Variants in ZCWPW2 observed in about 807,000 individuals in gnomAD.
ZCWPW2 encodes the protein zinc finger CW-type and PWWP domain containing 2.
ZCWPW2 carries 45 observed loss-of-function variants against 46.6 expected under a neutral mutation model. The observed-to-expected ratio is 0.96, with a 90% confidence interval of 0.76 to 1.24. ZCWPW2 has a LOEUF of 1.24. Ranked by LOEUF, ZCWPW2 falls within the 50% of genes most tolerant of loss-of-function variation. The pLI, the probability that ZCWPW2 is intolerant of heterozygous loss-of-function variation, is 0.00. For synonymous variants in ZCWPW2, 152 were observed against 137.1 expected, an observed-to-expected ratio of 1.11 and a Z score of -0.76; for missense variants, 429 against 403.9, an observed-to-expected ratio of 1.06 and a Z score of -0.53.
chr3:28,362,920 A>G (rs111562220), intron 1 of ZCWPW2, among the ~76,000 whole-genome samples: 2,114 of 152,176 alleles, frequency 0.014, 75 homozygotes, highest in African/African-American at 0.048. Context: ...AGGAACATGG[A>G]TGGAGCTGGA....
At chr3:28,457,366 A>G (rs1413221385) in intron 4 of ZCWPW2, among the ~76,000 whole-genome samples, 1 of 152,212 alleles carries the variant, frequency 6.6e-6, no homozygotes, top group Non-Finnish European at 1.5e-5. Context: ...CACCTTAAAC[A>G]CATATTCTAT....
intron 2 of ZCWPW2, chr3:28,397,997 G>A (rs938779253): frequency 3.9e-5 from 6 of 152,128 alleles, no homozygotes; most frequent in African/African-American, 1.4e-4. Context: ...TTCTGTTTCT[G>A]TTTTCTCTGC....
At chr3:28,413,570 G>A (rs897238174) in intron 3 of ZCWPW2, among the ~76,000 whole-genome samples, 170 bp downstream of exon 3, 2 of 151,998 alleles carry the variant, frequency 1.3e-5, no homozygotes, top group Non-Finnish European at 2.9e-5. Context: ...AAATGGGAAA[G>A]TTAGGTAACT....
intron 6 of ZCWPW2, among the ~76,000 whole-genome samples, chr3:28,498,983 T>G (rs952991970): frequency 6.6e-6 from 1 of 152,156 alleles, no homozygotes; most frequent in African/African-American, 2.4e-5. Flanking sequence ...GAACTCATCC[T>G]TTTTTATGGC....
intron 4 of ZCWPW2, 24 bp from the exon 5 acceptor site, chr3:28,478,790 T>G: frequency 7.7e-7 from 1 of 1,305,150 alleles, no homozygotes; most frequent in Non-Finnish European, 1.0e-6. Flanking sequence ...AATGAATTTT[T>G]TTCTTTTTTC....
In ZCWPW2 at chr3:28,437,458, T is replaced by A. The variant is rs568460801; in HGVS notation, c.492+2189T>A. On this transcript the variant is annotated intron_variant, in intron 4 of 9. Coordinates refer to ENST00000383768, the MANE Select transcript of ZCWPW2 (RefSeq NM_001040432.4). ...CTGCATTATATGCATTTAAATTAAA[T>A]TTTTTTTGTTTTATTATGAAAATTT... Among the ~76,000 whole-genome samples, 503 of 152,094 alleles carry A rather than the reference T, an allele frequency of 3.3e-3. 4 individuals carry two copies. The highest frequency in any genetic ancestry group is 0.011 in the African/African-American group (461 of 41,444).
intron 6 of ZCWPW2, among the ~76,000 whole-genome samples, chr3:28,505,897 A>G (rs1189196656): frequency 6.6e-6 from 1 of 151,804 alleles, no homozygotes; most frequent in African/African-American, 2.4e-5. Flanking sequence ...TTTGTTTAAA[A>G]ATTAAAAAAG....
chr3:28,500,804 A>G (rs1700120959), intron 6 of ZCWPW2, among the ~76,000 whole-genome samples: 1 of 152,186 alleles, frequency 6.6e-6, no homozygotes, highest in Non-Finnish European at 1.5e-5. Context: ...CCTTCCCAGA[A>G]GATAAATATA....
At chr3:28,469,686 GTA>G (rs1007120256) in intron 4 of ZCWPW2, among the ~76,000 whole-genome samples, 2 of 150,384 alleles carry the variant, frequency 1.3e-5, no homozygotes, top group African/African-American at 4.9e-5. Context: ...TTGTAAATAT[GTA>G]TATATATATG....
chr3:28,377,543 A>C (rs1050941106), intron 1 of ZCWPW2, among the ~76,000 whole-genome samples: 2 of 152,052 alleles, frequency 1.3e-5, no homozygotes, highest in Non-Finnish European at 2.9e-5. Context: ...TTTTCACATT[A>C]GGGCAACAAA....
At chr3:28,373,453 GT>G (rs201416870) in intron 1 of ZCWPW2, among the ~76,000 whole-genome samples, 2 of 150,258 alleles carry the variant, frequency 1.3e-5, no homozygotes, top group South Asian at 2.1e-4. Flanking sequence ...TTTGTATGTT[GT>G]TTTTTTTTGT....
chr3:28,403,503 T>A lies in ZCWPW2; in HGVS notation c.-13-9553T>A, dbSNP rs575469473. 2.0e-5 allele frequency among the ~76,000 whole-genome samples: 3 copies of A among 152,124 alleles called. No homozygotes were observed. The East Asian group carries it at 5.8e-4, about 29-fold the overall frequency. The stretch of plus-strand genomic sequence containing the variant: ...ATCTACAAATTCAATGCAATTCCCA[T>A]CAAAATACCATCATCATTCTTCACG... On this transcript the variant is annotated intron_variant, in intron 2 of 9. Transcript: ENST00000383768.
In ZCWPW2 at chr3:28,485,134, T is replaced by G. The variant is rs558154021; in HGVS notation, c.610+6203T>G. Among the ~76,000 whole-genome samples the G allele has an allele frequency of 5.5e-3, 839 of 152,022 alleles. 4 individuals are homozygous for G. Among genetic ancestry groups the G allele is most frequent in the Non-Finnish European group, 8.6e-3 (586 of 67,960 alleles). On this transcript the variant is annotated intron_variant, in intron 5 of 9. Coordinates refer to ENST00000383768, the MANE Select transcript of ZCWPW2 (RefSeq NM_001040432.4). ...AGTTCAAAATATTTTAAAATTTTTC[T>G]TGAGTTTTTTTTTTTTCTTTGATCT...
In ZCWPW2 at chr3:28,479,796, A is replaced by G. The variant is rs145342348; in HGVS notation, c.610+865A>G. Among the ~76,000 whole-genome samples, 87 of 152,264 alleles carry G rather than the reference A, an allele frequency of 5.7e-4. 1 individual carries two copies. Among genetic ancestry groups the G allele is most frequent in the African/African-American group, 1.9e-3 (81 of 41,564 alleles). On this transcript the variant is annotated intron_variant, in intron 5 of 9. Coordinates refer to ENST00000383768, the MANE Select transcript of ZCWPW2 (RefSeq NM_001040432.4). ...CAGTATTTGGTTTTGTTCCTGCATT[A>G]GTTTGCTAATGCTAATGGCATCCAG... is the stretch of plus-strand genomic sequence containing the variant.
At chr3:28,386,372 A>C (rs1304783135) in intron 1 of ZCWPW2, among the ~76,000 whole-genome samples, 1 of 152,142 alleles carries the variant, frequency 6.6e-6, no homozygotes, top group Admixed American at 6.5e-5. Flanking sequence ...TTGAACTTCT[A>C]GTTTCTAGAA....
chr3:28,402,468 G>C (rs1401864070), intron 2 of ZCWPW2, among the ~76,000 whole-genome samples: 4 of 152,048 alleles, frequency 2.6e-5, no homozygotes, highest in Non-Finnish European at 5.9e-5. Context: ...GCAAAATTCT[G>C]CCAGACATTC....
intron 1 of ZCWPW2, among the ~76,000 whole-genome samples, chr3:28,364,656 T>A (rs983685269): frequency 6.6e-6 from 1 of 152,140 alleles, no homozygotes; most frequent in Non-Finnish European, 1.5e-5. Context: ...TCTTTTTTTT[T>A]ATTATACTTT....
intron 1 of ZCWPW2, among the ~76,000 whole-genome samples, chr3:28,382,883 C>T (rs1575071769): frequency 6.6e-6 from 1 of 152,202 alleles, no homozygotes; most frequent in Non-Finnish European, 1.5e-5. Context: ...ATAGTTGAAG[C>T]ATTTTCAACG....
chr3:28,486,779 T>A (rs1290774458), intron 5 of ZCWPW2, among the ~76,000 whole-genome samples: 1 of 151,766 alleles, frequency 6.6e-6, no homozygotes, highest in Non-Finnish European at 1.5e-5. Context: ...AGTGGGAGGA[T>A]CGCTTGAGCC....
Sources: allele counts gnomAD v4.1 joint callset (sites outside exome capture counted in the v4.1 genomes callset), GRCh38; gene constraint gnomAD v4.1.1; transcripts MANE v1.5; gene names NCBI Gene and HGNC (gene_info 2026-07-23, HGNC 2026-07-21).